The following RBM33 variants were observed in gnomAD, a reference collection of about 807,000 sequenced individuals.
RBM33 encodes the protein RNA binding motif protein 33.
RBM33 carries 28 observed loss-of-function variants against 132.6 expected under a neutral mutation model. That is an observed-to-expected ratio of 0.21 (90% CI 0.16 to 0.29). The LOEUF (loss-of-function observed/expected upper bound fraction) is 0.29. Ranked by LOEUF, RBM33 falls within the 10% of genes least tolerant of loss-of-function variation. The probability of loss-of-function intolerance (pLI) is 1.00; values close to 1 mark genes in which losing one functional copy is unlikely to be tolerated. For missense variants in RBM33, 1,291 were observed against 1,518.5 expected, an observed-to-expected ratio of 0.85 and a Z score of 2.49; for synonymous variants, 634 against 593.0, an observed-to-expected ratio of 1.07 and a Z score of -1.01.
In RBM33 at chr7:155,745,192, C is replaced by T; in HGVS notation, c.2569C>T (p.Pro857Ser). Reference sequence around the variant, plus strand: ...GTCACCATCACCCACCAACGGTAACCCACTGTTGCCCTTTCCAGGTGCACA... The same window carrying T: ...GTCACCATCACCCACCAACGGTAACTCACTGTTGCCCTTTCCAGGTGCACA... Reference protein sequence around the residue: ...ALSPSPTNGNPLLPFPGAQVR... With the variant: ...ALSPSPTNGNSLLPFPGAQVR... Residue 857 changes from proline to serine, a missense_variant, in exon 14 of 18, where the codon CCA becomes TCA. By Grantham distance (74) the Pro-to-Ser change is moderately conservative. This residue lies in a region of RBM33 where 841 missense variants were observed against 912.0 expected (regional missense o/e 0.92). Coordinates refer to ENST00000401878, the MANE Select transcript of RBM33 (RefSeq NM_053043.3). The surrounding 1 kb of genome is among the most constrained non-coding windows in gnomAD (Gnocchi z 4.1). The T allele has an allele frequency of 2.5e-6, 4 of 1,611,438 alleles. No individual in the cohort carries two copies.
chr7:155,680,457 T>G (rs897320050), intron 4 of RBM33, 133 bp from the exon 5 acceptor site: 1 of 682,902 alleles, frequency 1.5e-6, no homozygotes, highest in South Asian at 2.0e-5. Context: ...GGAGTTAATG[T>G]GCATTTGTCA....
rs1438298709 is a variant in RBM33 at position 155,776,456 on chromosome 7, GC to G, written c.*1416del. On this transcript the variant is annotated 3_prime_UTR_variant, in exon 18 of 18. Transcript: ENST00000401878. The surrounding 1 kb of genome is among the most constrained non-coding windows in gnomAD (Gnocchi z 4.0). ...GGACTAAGGAGACGGGCACAGACTTGCGTCATCTCGTTTCCACAGTTGACGT... is the reference window on the plus strand; with the variant it reads ...GGACTAAGGAGACGGGCACAGACTTGGTCATCTCGTTTCCACAGTTGACGT... 1.3e-5 allele frequency: 2 copies of G among 152,224 alleles called. No homozygotes were observed. The highest frequency in any genetic ancestry group is 4.8e-5 in the African/African-American group (2 of 41,454). 9.4% of individuals were successfully genotyped at this position (152,224 alleles called of 1,614,324 possible).
intron 1 of RBM33, among the ~76,000 whole-genome samples, chr7:155,664,959 T>A (rs1367014203): frequency 1.3e-5 from 2 of 151,728 alleles, no homozygotes; most frequent in African/African-American, 4.8e-5. Context: ...TCATGCCCAA[T>A]AATGTTCAAT....
intron 5 of RBM33, among the ~76,000 whole-genome samples, chr7:155,687,258 G>T (rs1185350871): frequency 2.0e-5 from 3 of 152,172 alleles, no homozygotes; most frequent in Non-Finnish European, 4.4e-5. Context: ...TCATGTGTCT[G>T]TTGGCTGCAT....
rs906347781 is a variant in RBM33, at chr7:155,778,519, GGTCATCCAGTCCGGTC to G, written c.*3480_*3495del. On this transcript the variant is annotated 3_prime_UTR_variant, in exon 18 of 18. Coordinates refer to ENST00000401878, the MANE Select transcript of RBM33 (RefSeq NM_053043.3). This position sits in a 1 kb window ranked among gnomAD's most constrained non-coding sequence, Gnocchi z 4.0. Reference sequence around the variant, plus strand: ...TCTAACACACTGGCTTATCAGGGGAGGTCATCCAGTCCGGTCGGTGGAGTTGAGAGCCCTTGGGCCA... The same window carrying G: ...TCTAACACACTGGCTTATCAGGGGAGGGTGGAGTTGAGAGCCCTTGGGCCA... 12 of 152,330 alleles carry G rather than the reference GGTCATCCAGTCCGGTC, an allele frequency of 7.9e-5. No homozygotes were observed. Among genetic ancestry groups the G allele is most frequent in the African/African-American group, 2.4e-4 (10 of 41,520 alleles). 9.4% of individuals were successfully genotyped at this position (152,330 alleles called of 1,614,324 possible). A position where few individuals can be genotyped will look rare whatever the true frequency, so the allele number is the denominator to read the frequency against.
chr7:155,693,626 G>C (rs892775883), intron 5 of RBM33, among the ~76,000 whole-genome samples: 2 of 137,950 alleles, frequency 1.4e-5, no homozygotes, highest in African/African-American at 4.9e-5. Context: ...CTTTTGTGAT[G>C]ATGGCAGGTT....
intron 5 of RBM33, among the ~76,000 whole-genome samples, chr7:155,685,809 A>G (rs935662014): frequency 6.6e-6 from 1 of 152,234 alleles, no homozygotes; most frequent in African/African-American, 2.4e-5. Context: ...GTTTTTCTTA[A>G]TACAGTTTTC....
intron 2 of RBM33, among the ~76,000 whole-genome samples, chr7:155,668,614 C>T (rs542696230): frequency 6.6e-6 from 1 of 152,216 alleles, no homozygotes; most frequent in Non-Finnish European, 1.5e-5. Flanking sequence ...AGTACTAGTA[C>T]ACTAATATAC....
At chr7:155,729,053 A>G (rs543630081) in intron 9 of RBM33, among the ~76,000 whole-genome samples, 1 of 152,318 alleles carries the variant, frequency 6.6e-6, no homozygotes, top group East Asian at 1.9e-4. Context: ...ACAGTTCCGC[A>G]TGGCTGGAGA....
At chr7:155,705,682 GT>G (rs1458930465) in intron 6 of RBM33, among the ~76,000 whole-genome samples, 1 of 152,190 alleles carries the variant, frequency 6.6e-6, no homozygotes, top group African/African-American at 2.4e-5. Flanking sequence ...AAGATCTGTT[GT>G]CCCAATTTAG....
chr7:155,695,098 C>T (rs530738879), intron 5 of RBM33, among the ~76,000 whole-genome samples: 9 of 152,180 alleles, frequency 5.9e-5, no homozygotes, highest in African/African-American at 1.9e-4. Flanking sequence ...AGTGTGTCAT[C>T]GTGGTTTTAG....
rs12113327 is a variant in RBM33 at position 155,768,437 on chromosome 7, G to A, written c.3375+1782G>A. ...TCCTTCGAGTGCTGGGATTACAGGC[G>A]TGAGCCACAAATATTTTTTATCCTA... On this transcript the variant is annotated intron_variant, in intron 16 of 17. Transcript: ENST00000401878. 7.0e-3 allele frequency among the ~76,000 whole-genome samples: 1,065 copies of A among 152,258 alleles called. 17 individuals carry two copies. The highest frequency in any genetic ancestry group is 0.024 in the African/African-American group (998 of 41,530).
chr7:155,756,530 C>G (rs1801856613), intron 14 of RBM33, among the ~76,000 whole-genome samples: 1 of 152,204 alleles, frequency 6.6e-6, no homozygotes, highest in African/African-American at 2.4e-5. Flanking sequence ...AGCGTTGTTT[C>G]CACATTGATC....
At position 155,673,940 on chromosome 7, in the gene RBM33, G is replaced by GTTGTTGTTTTTTT; in HGVS notation, c.171+1027_171+1028insGTTGTTTTTTTTT. Among the ~76,000 whole-genome samples, 13 of 54,196 alleles carry GTTGTTGTTTTTTT rather than the reference G, an allele frequency of 2.4e-4. 1 individual carries two copies. Among genetic ancestry groups the GTTGTTGTTTTTTT allele is most frequent in the Middle Eastern group, 0.011 (1 of 94 alleles). 35.6% of individuals were successfully genotyped at this position (54,196 alleles called of 152,430 possible). The stretch of plus-strand genomic sequence containing the variant: ...TCATTATCAAGATAGTTTAGGCTTA[G>GTTGTTGTTTTTTT]TTTTTTTTTTTTTTTTTTTTTTTTT... On this transcript the variant is annotated intron_variant, in intron 3 of 17. Coordinates refer to ENST00000401878, the MANE Select transcript of RBM33 (RefSeq NM_053043.3).
chr7:155,723,750 C>T (rs2116999836), intron 9 of RBM33, among the ~76,000 whole-genome samples: 1 of 152,322 alleles, frequency 6.6e-6, no homozygotes. Flanking sequence ...CTTGAAATCA[C>T]ATAAAATTGG....
At chr7:155,677,971 C>T (rs1799230951) in intron 3 of RBM33, among the ~76,000 whole-genome samples, 1 of 152,094 alleles carries the variant, frequency 6.6e-6, no homozygotes, top group Admixed American at 6.5e-5. Flanking sequence ...ATAACACCCC[C>T]CCAACCTAAT....
rs76692636 is a variant in RBM33, at chr7:155,769,623, C to T, written c.3375+2968C>T. 5.9e-3 allele frequency among the ~76,000 whole-genome samples: 897 copies of T among 152,128 alleles called. 4 individuals carry two copies. Among genetic ancestry groups the T allele is most frequent in the African/African-American group, 0.02 (845 of 41,496 alleles). ...TCGGTGGAAGGTGGGATCATCTCGG[C>T]GTCTGACTGACTGATTCTGCTTCTG... On this transcript the variant is annotated intron_variant, in intron 16 of 17. Transcript: ENST00000401878.
At position 155,730,355 on chromosome 7, in the gene RBM33, A is replaced by G. The variant is rs575114107; in HGVS notation, c.1261-7175A>G. On this transcript the variant is annotated intron_variant, in intron 9 of 17. Transcript: ENST00000401878. ...ATATATGGAAACATGGAAATATGAC[A>G]GAAGATATGGAAATATGTCAGAAGC... Among the ~76,000 whole-genome samples, 5 of 152,366 alleles carry G rather than the reference A, an allele frequency of 3.3e-5. No individual in the cohort carries two copies. In the South Asian group the frequency reaches 8.3e-4, roughly 25 times the overall value.
At chr7:155,650,481 C>T (rs1798325041) in intron 1 of RBM33, among the ~76,000 whole-genome samples, 1 of 152,134 alleles carries the variant, frequency 6.6e-6, no homozygotes, top group South Asian at 2.1e-4. Context: ...ACATTTTGTT[C>T]TTTTTAATAT....
Sources: gnomAD v4.1 joint callset for allele counts (sites outside exome capture counted in the v4.1 genomes callset) on GRCh38, gnomAD v4.1.1 for gene constraint, gnomAD v4.1.1 regional missense constraint, Gnocchi (gnomAD v3.1) non-coding constraint, MANE v1.5 for transcripts, NCBI Gene and HGNC (gene_info 2026-07-23, HGNC 2026-07-21) for gene names.